The following DPYSL2 variants were observed in gnomAD, a reference collection of about 807,000 sequenced individuals.
The protein encoded by DPYSL2 is dihydropyrimidinase like 2, also known as dihydropyrimidinase-related protein 2.
Under a neutral mutation model 69.9 loss-of-function variants are expected in DPYSL2, and 13 were observed. The observed-to-expected ratio is 0.19, with a 90% CI of 0.12 to 0.30. The LOEUF (loss-of-function observed/expected upper bound fraction) is 0.30. Ranked by LOEUF, DPYSL2 falls within the 10% of genes least tolerant of loss-of-function variation. DPYSL2 has a pLI of 1.00. For synonymous variants in DPYSL2, 326 were observed against 359.1 expected (o/e 0.91, Z 1.04); for missense variants, 587 against 918.9 (o/e 0.64, Z 4.67).
chr8:26,551,832 G>C (rs1432028463), intron 1 of DPYSL2, among the ~76,000 whole-genome samples: 3 of 152,044 alleles, frequency 2.0e-5, no homozygotes, highest in Admixed American at 6.6e-5. Flanking sequence ...TTTATTTTTA[G>C]AAATGAGGTC....
At chr8:26,612,651 T>A (rs563577117) in intron 3 of DPYSL2, among the ~76,000 whole-genome samples, 71 of 152,354 alleles carry the variant, frequency 4.7e-4, no homozygotes, top group Admixed American at 1.7e-3. Flanking sequence ...CATTATCTGA[T>A]GCCCTGAATT....
intron 1 of DPYSL2, among the ~76,000 whole-genome samples, chr8:26,573,836 C>CAAA (rs145546482): frequency 3.3e-4 from 27 of 82,408 alleles, no homozygotes; most frequent in Middle Eastern, 7.6e-3. Flanking sequence ...GACTCCACCT[C>CAAA]AAAAAAAAAA....
At chr8:26,540,264 G>A (rs1461508189) in intron 1 of DPYSL2, among the ~76,000 whole-genome samples, 1 of 129,704 alleles carries the variant, frequency 7.7e-6, no homozygotes, top group Non-Finnish European at 1.8e-5. Context: ...ACTTGATCAA[G>A]CATAAGAAAA....
chr8:26,577,836 C>T (rs1801390776), intron 1 of DPYSL2: 1 of 1,045,666 alleles, frequency 9.6e-7, no homozygotes, highest in East Asian at 1.0e-4. Flanking sequence ...ATCCCAGGAT[C>T]GCGGCCAATC....
chr8:26,572,457 C>T (rs1801253211), intron 1 of DPYSL2, among the ~76,000 whole-genome samples: 1 of 152,190 alleles, frequency 6.6e-6, no homozygotes, highest in African/African-American at 2.4e-5. Context: ...TGCTTGAGCC[C>T]CCAGCCTTGT....
At chr8:26,600,768 C>T (rs1182537330) in intron 3 of DPYSL2, among the ~76,000 whole-genome samples, 1 of 152,202 alleles carries the variant, frequency 6.6e-6, no homozygotes, top group Non-Finnish European at 1.5e-5. Context: ...CTAGGGCTCA[C>T]CATTTGTGGC....
At chr8:26,579,551 TG>T (rs1801439293) in intron 1 of DPYSL2, among the ~76,000 whole-genome samples, 1 of 152,240 alleles carries the variant, frequency 6.6e-6, no homozygotes. Context: ...TCTTTGGTTC[TG>T]GTTTTCCCTT....
intron 7 of DPYSL2, among the ~76,000 whole-genome samples, chr8:26,630,262 C>T (rs543772931): frequency 2.6e-5 from 4 of 152,208 alleles, no homozygotes; most frequent in Non-Finnish European, 4.4e-5. Flanking sequence ...CCCTCTGGGC[C>T]GGCTTCTGTG....
intron 1 of DPYSL2, chr8:26,578,568 A>T: frequency 7.4e-7 from 1 of 1,354,054 alleles, no homozygotes; most frequent in Non-Finnish European, 9.5e-7. Context: ...TTTTATTGTC[A>T]GTGAGAGATG....
In DPYSL2 at chr8:26,641,694, C is replaced by T. The variant is rs1803052122; in HGVS notation, c.1127-1745C>T. 6.6e-6 allele frequency among the ~76,000 whole-genome samples: 1 copy of T among 152,232 alleles called. No individual in the cohort carries two copies. The highest frequency in any genetic ancestry group is 6.5e-5 in the Admixed American group (1 of 15,282). ...TCCTAGGCCTTCCGAGCACCTAGCA[C>T]TGGCCCTTTTCTTCCTTGGGGCTTC... On this transcript the variant is annotated intron_variant, in intron 8 of 13. Coordinates refer to ENST00000521913, the MANE Select transcript of DPYSL2 (RefSeq NM_001197293.3). This position sits in a 1 kb window ranked among gnomAD's most constrained non-coding sequence, Gnocchi z 4.1.
At chr8:26,625,030 G>C (rs555327985) in intron 4 of DPYSL2, among the ~76,000 whole-genome samples, 5 of 152,198 alleles carry the variant, frequency 3.3e-5, no homozygotes, top group Admixed American at 6.5e-5. Flanking sequence ...ATTGCTTTAG[G>C]GTTCTGGGGA....
At position 26,626,251 on chromosome 8, in the gene DPYSL2, A is replaced by G. The variant is rs1423153778; in HGVS notation, c.794-366A>G. Among the ~76,000 whole-genome samples the G allele has an allele frequency of 6.6e-6, 1 of 152,116 alleles. No homozygotes were observed. The highest frequency in any genetic ancestry group is 2.4e-5 in the African/African-American group (1 of 41,424). ...TCATTTATCAGTTAATGGAGGCTTG[A>G]TTTTTGCTTCCACCTTTTGGCTATT... On this transcript the variant is annotated intron_variant, in intron 4 of 13. Coordinates refer to ENST00000521913, the MANE Select transcript of DPYSL2 (RefSeq NM_001197293.3). The surrounding 1 kb of genome is among the most constrained non-coding windows in gnomAD (Gnocchi z 4.3).
At position 26,587,902 on chromosome 8, in the gene DPYSL2, G is replaced by A. The variant is rs1162559597; in HGVS notation, c.628+3919G>A. Among the ~76,000 whole-genome samples the A allele has an allele frequency of 6.6e-6, 1 of 152,190 alleles. No individual in the cohort carries two copies. Among genetic ancestry groups the A allele is most frequent in the Admixed American group, 6.5e-5 (1 of 15,282 alleles). On this transcript the variant is annotated intron_variant, in intron 3 of 13. Coordinates refer to ENST00000521913, the MANE Select transcript of DPYSL2 (RefSeq NM_001197293.3). This position sits in a 1 kb window ranked among gnomAD's most constrained non-coding sequence, Gnocchi z 4.2. ...CTATTTTATAGAGGGGAAGACTGAG[G>A]CCGGAAGGACAGACACGACTTGCCA... is the stretch of plus-strand genomic sequence containing the variant.
intron 13 of DPYSL2, among the ~76,000 whole-genome samples, chr8:26,655,156 C>T (rs1186265230): frequency 6.6e-6 from 1 of 152,078 alleles, no homozygotes; most frequent in Non-Finnish European, 1.5e-5. Context: ...GCCTGCTCTC[C>T]ACCTCCCTTC....
chr8:26,577,740 G>A, intron 1 of DPYSL2: 4 of 921,656 alleles, frequency 4.3e-6, no homozygotes, highest in Non-Finnish European at 5.2e-6. Flanking sequence ...CAGCGCGGGC[G>A]CTCGCGCCGC....
rs1301371459 is a variant in DPYSL2, at chr8:26,586,618, T to TC, written c.628+2640dup. Among the ~76,000 whole-genome samples the TC allele has an allele frequency of 6.6e-6, 1 of 152,164 alleles. No homozygotes were observed. The highest frequency in any genetic ancestry group is 2.4e-5 in the African/African-American group (1 of 41,430). ...ACCACCCCGAATTTCTCTTTCGTCT[T>TC]CCCCCTCAGAGGCTGTGGCCTTTTT... is the stretch of plus-strand genomic sequence containing the variant. On this transcript the variant is annotated intron_variant, in intron 3 of 13. Transcript: ENST00000521913. This position sits in a 1 kb window ranked among gnomAD's most constrained non-coding sequence, Gnocchi z 4.7.
rs1221324917 is a variant in DPYSL2, at chr8:26,556,144, G to GTATATATATAGTA, written c.355-25819_355-25818insTATAGTATATATA. On this transcript the variant is annotated intron_variant, in intron 1 of 13. Coordinates refer to ENST00000521913, the MANE Select transcript of DPYSL2 (RefSeq NM_001197293.3). ...ATATATATTATATATACTATATATAGTATATACTATATATAGTATATACTA... is the reference window on the plus strand; with the variant it reads ...ATATATATTATATATACTATATATAGTATATATATAGTATATATACTATATATAGTATATACTA... Among the ~76,000 whole-genome samples, 5 of 2,574 alleles carry GTATATATATAGTA rather than the reference G, an allele frequency of 1.9e-3. 1 individual carries two copies. The highest frequency in any genetic ancestry group is 8.1e-3 in the African/African-American group (5 of 616). 1.7% of individuals were successfully genotyped at this position (2,574 alleles called of 152,430 possible).
At position 26,562,820 on chromosome 8, in the gene DPYSL2, C is replaced by G. The variant is rs1456774681; in HGVS notation, c.355-19149C>G. Among the ~76,000 whole-genome samples the G allele has an allele frequency of 6.6e-6, 1 of 152,184 alleles. No homozygotes were observed. Among genetic ancestry groups the G allele is most frequent in the African/African-American group, 2.4e-5 (1 of 41,450 alleles). ...ATGTCTAGGGCCGTATCTGGGAAAA[C>G]TTGAATGGCTTTGGGTGACTTGAAC... On this transcript the variant is annotated intron_variant, in intron 1 of 13. Coordinates refer to ENST00000521913, the MANE Select transcript of DPYSL2 (RefSeq NM_001197293.3). The surrounding 1 kb of genome is among the most constrained non-coding windows in gnomAD (Gnocchi z 4.9).
intron 11 of DPYSL2, among the ~76,000 whole-genome samples, chr8:26,651,456 C>G (rs1803277745): frequency 6.6e-6 from 1 of 152,172 alleles, no homozygotes; most frequent in South Asian, 2.1e-4. Context: ...CAGACTCAGC[C>G]ACAGCCATTG....
Sources: allele counts gnomAD v4.1 joint callset (sites outside exome capture counted in the v4.1 genomes callset), GRCh38; gene constraint gnomAD v4.1.1; non-coding constraint Gnocchi (gnomAD v3.1); transcripts MANE v1.5; gene names NCBI Gene and HGNC (gene_info 2026-07-23, HGNC 2026-07-21).